The following SMAD6 variants were observed in gnomAD, a reference collection of about 807,000 sequenced individuals.
SMAD6 encodes MAD homolog 6.
Under a neutral mutation model 39.4 loss-of-function variants are expected in SMAD6, and 103 were observed. The observed-to-expected ratio is 2.62, with a 90% confidence interval of 2.23 to 3.08. The LOEUF (loss-of-function observed/expected upper bound fraction) is 3.08, where lower values mean the gene tolerates loss of function less well. SMAD6 is among the 30% of genes most tolerant of loss of function. The pLI is 0.00. For synonymous variants in SMAD6, 445 were observed against 353.3 expected, an observed-to-expected ratio of 1.26 and a Z score of -2.91; for missense variants, 1,104 against 742.9, an observed-to-expected ratio of 1.49 and a Z score of -5.65.
intron 3 of SMAD6, among the ~76,000 whole-genome samples, chr15:66,763,473 A>C (rs1242834581): frequency 6.6e-6 from 1 of 152,120 alleles, no homozygotes; most frequent in Non-Finnish European, 1.5e-5. Flanking sequence ...CGTCTCCTTG[A>C]GCTGGAGCAG....
At chr15:66,750,994 G>C (rs568349487) in intron 3 of SMAD6, among the ~76,000 whole-genome samples, 4 of 152,252 alleles carry the variant, frequency 2.6e-5, no homozygotes, top group South Asian at 4.1e-4. Flanking sequence ...CCACGTGCTA[G>C]GCCATGAGTA....
intron 3 of SMAD6, among the ~76,000 whole-genome samples, chr15:66,770,383 A>T (rs568620393): frequency 6.6e-6 from 1 of 152,192 alleles, no homozygotes; most frequent in East Asian, 1.9e-4. Context: ...ACTGGTTTAT[A>T]TGTGATCCCA....
intron 3 of SMAD6, among the ~76,000 whole-genome samples, chr15:66,765,249 G>A (rs1291141420): frequency 6.6e-6 from 1 of 151,946 alleles, no homozygotes; most frequent in Non-Finnish European, 1.5e-5. Context: ...TTTTGAGACA[G>A]AGTCTGGCTC....
rs933621826 is a variant in SMAD6, at chr15:66,703,935, T to C, written c.677T>C (p.Leu226Pro). 4 of 1,369,454 alleles carry C rather than the reference T, an allele frequency of 2.9e-6. No homozygotes were observed. The highest frequency in any genetic ancestry group is 1.7e-5 in the South Asian group (1 of 58,280). 84.8% of individuals were successfully genotyped at this position (1,369,454 alleles called of 1,614,324 possible). A position where few individuals can be genotyped will look rare whatever the true frequency, so the allele number is the denominator to read the frequency against. The stretch of plus-strand genomic sequence containing the variant: ...CAGCCCGCGCCGCCGCAGCTGCTGC[T>C]CGGCCGCCTCTTTCGCTGGCCCGAC... The part of the protein sequence containing the change: ...GGQPAPPQLL[L>P]GRLFRWPDLQ... Residue 226 changes from leucine (L) to proline (P), a missense_variant, in exon 1 of 4, where the codon CTC becomes CCC. Physicochemically the swap from Leu to Pro is moderately conservative, Grantham distance 98 (BLOSUM62 -3). Coordinates refer to ENST00000288840, the MANE Select transcript of SMAD6 (RefSeq NM_005585.5).
chr15:66,709,892 T>C (rs1355531451), intron 1 of SMAD6, among the ~76,000 whole-genome samples: 2 of 152,262 alleles, frequency 1.3e-5, no homozygotes, highest in African/African-American at 4.8e-5. Context: ...CCTCTAGGCC[T>C]GAGAGCCCCC....
At chr15:66,736,090 C>G (rs1266275645) in intron 3 of SMAD6, among the ~76,000 whole-genome samples, 3 of 151,934 alleles carry the variant, frequency 2.0e-5, no homozygotes, top group Non-Finnish European at 4.4e-5. Context: ...GAGTGCTGGC[C>G]GTATGCCAAG....
intron 3 of SMAD6, among the ~76,000 whole-genome samples, chr15:66,746,472 A>G (rs772077968): frequency 3.3e-5 from 5 of 150,346 alleles, no homozygotes; most frequent in African/African-American, 4.9e-5. Context: ...CCCTGCTGAC[A>G]CAGAGGCTCC....
At chr15:66,763,197 G>A (rs1005836949) in intron 3 of SMAD6, among the ~76,000 whole-genome samples, 3 of 152,140 alleles carry the variant, frequency 2.0e-5, no homozygotes, top group Non-Finnish European at 4.4e-5. Flanking sequence ...CCAGTCTGGT[G>A]GCCAGGCCTG....
intron 3 of SMAD6, among the ~76,000 whole-genome samples, chr15:66,770,548 G>A (rs1595798465): frequency 6.6e-6 from 1 of 152,104 alleles, no homozygotes; most frequent in African/African-American, 2.4e-5. Flanking sequence ...ATGAAAGCAA[G>A]GCTTTCCCAC....
intron 3 of SMAD6, among the ~76,000 whole-genome samples, chr15:66,743,708 A>T (rs369021196): frequency 6.6e-6 from 1 of 152,108 alleles, no homozygotes. Context: ...TCTTAAAATT[A>T]TTTGGATGTT....
rs76741214 is a variant in SMAD6 at position 66,782,052 on chromosome 15, C to G, written c.*517C>G. The G allele has an allele frequency of 6.0e-5, 24 of 397,670 alleles. No homozygotes were observed. The East Asian group carries it at 8.2e-4, about 14-fold the overall frequency. The allele number at this position is 397,670 out of a possible 1,614,324, so 24.6% of individuals were successfully genotyped here. On this transcript the variant is annotated 3_prime_UTR_variant, in exon 4 of 4. Coordinates refer to ENST00000288840, the MANE Select transcript of SMAD6 (RefSeq NM_005585.5). ...GGTAGGGCTTCAGCGGATTTCTGACCCATCATGTACCTTGAAACTTGACCT... is the reference window on the plus strand; with the variant it reads ...GGTAGGGCTTCAGCGGATTTCTGACGCATCATGTACCTTGAAACTTGACCT...
At chr15:66,757,856 G>C (rs1037556869) in intron 3 of SMAD6, among the ~76,000 whole-genome samples, 2 of 152,206 alleles carry the variant, frequency 1.3e-5, no homozygotes, top group African/African-American at 2.4e-5. Context: ...TGGGCACCGG[G>C]GTAGGCTCTG....
intron 3 of SMAD6, among the ~76,000 whole-genome samples, chr15:66,753,137 T>C (rs991713856): frequency 3.9e-5 from 6 of 152,190 alleles, no homozygotes; most frequent in Non-Finnish European, 4.4e-5. Context: ...GCCCAGGTTT[T>C]AAAGTCCCTT....
intron 1 of SMAD6, chr15:66,705,599 T>G (rs1288633264): frequency 6.6e-6 from 1 of 152,058 alleles, no homozygotes; most frequent in African/African-American, 2.4e-5. Context: ...CCTTCCACTC[T>G]CGTAGAAGCC....
At chr15:66,724,991 C>A (rs906511378) in intron 3 of SMAD6, among the ~76,000 whole-genome samples, 2 of 152,164 alleles carry the variant, frequency 1.3e-5, no homozygotes, top group African/African-American at 4.8e-5. Context: ...TAATCACAAC[C>A]ATCTGCCTGC....
At position 66,747,911 on chromosome 15, in the gene SMAD6, A is replaced by G. The variant is rs117862181; in HGVS notation, c.952+31413A>G. On this transcript the variant is annotated intron_variant, in intron 3 of 3. Coordinates refer to ENST00000288840, the MANE Select transcript of SMAD6 (RefSeq NM_005585.5). This position sits in a 1 kb window ranked among gnomAD's most constrained non-coding sequence, Gnocchi z 4.5. ...CAGAGATGGCCTAAAGTCTTCCCTG[A>G]GAGCCCTTTGCACCCCACTTCTCTT... Among the ~76,000 whole-genome samples, 2,588 of 152,226 alleles carry G rather than the reference A, an allele frequency of 0.017. 57 individuals are homozygous for G. Among genetic ancestry groups the G allele is most frequent in the South Asian group, 0.082 (395 of 4,820 alleles).
intron 3 of SMAD6, among the ~76,000 whole-genome samples, chr15:66,752,809 T>TAAA (rs1567107961): frequency 6.6e-6 from 1 of 151,304 alleles, no homozygotes; most frequent in African/African-American, 2.4e-5. Context: ...AAAATAATAA[T>TAAA]AAAAAAATAC....
At chr15:66,745,713 A>G (rs954224934) in intron 3 of SMAD6, among the ~76,000 whole-genome samples, 1 of 152,044 alleles carries the variant, frequency 6.6e-6, no homozygotes, top group African/African-American at 2.4e-5. Context: ...GCTCCCCCCC[A>G]AGCTCTGCCT....
At chr15:66,730,569 G>C (rs754394950) in intron 3 of SMAD6, among the ~76,000 whole-genome samples, 5 of 152,104 alleles carry the variant, frequency 3.3e-5, no homozygotes, top group Admixed American at 6.5e-5. Flanking sequence ...CGCCTAGCAT[G>C]GCCCACCTCA....
Sources: gnomAD v4.1 joint callset for allele counts (sites outside exome capture counted in the v4.1 genomes callset) on GRCh38, gnomAD v4.1.1 for gene constraint, Gnocchi (gnomAD v3.1) non-coding constraint, MANE v1.5 for transcripts, NCBI Gene and HGNC (gene_info 2026-07-23, HGNC 2026-07-21) for gene names.